Variants in ROBO1 observed in about 807,000 individuals in gnomAD.
The protein encoded by ROBO1 is roundabout homolog 1.
In ROBO1, 149 loss-of-function variants were observed where a neutral mutation model predicts 195.9. The ratio of observed to expected loss-of-function variants is 0.76; its 90% CI spans 0.67 to 0.87. The LOEUF (loss-of-function observed/expected upper bound fraction) is 0.87, where lower values mean the gene tolerates loss of function less well. Ranked by LOEUF, ROBO1 falls within the 40% of genes least tolerant of loss-of-function variation. ROBO1 has a pLI of 0.00. For synonymous variants in ROBO1, 816 were observed against 733.2 expected (o/e 1.11, Z -1.82); for missense variants, 1,933 against 2,068.3 (o/e 0.93, Z 1.27).
chr3:79,283,313 T>C (rs2109007382), intron 2 of ROBO1, among the ~76,000 whole-genome samples: 2 of 152,258 alleles, frequency 1.3e-5, no homozygotes, highest in South Asian at 4.1e-4. Context: ...ACCCCAAACC[T>C]CAGCATCATG....
intron 4 of ROBO1, among the ~76,000 whole-genome samples, chr3:78,869,722 G>T (rs531037095): frequency 6.6e-6 from 1 of 152,028 alleles, no homozygotes; most frequent in African/African-American, 2.4e-5. Flanking sequence ...GCCTCCTTAA[G>T]TGCTGGGGTT....
intron 3 of ROBO1, among the ~76,000 whole-genome samples, chr3:79,057,366 G>C (rs1031145974): frequency 1.3e-5 from 2 of 151,966 alleles, no homozygotes; most frequent in African/African-American, 4.8e-5. Flanking sequence ...TCCCCTGTCT[G>C]GGTGCCCACT....
At chr3:79,483,082 T>G (rs931985823) in intron 2 of ROBO1, among the ~76,000 whole-genome samples, 13 of 152,206 alleles carry the variant, frequency 8.5e-5, no homozygotes, top group Non-Finnish European at 1.8e-4. Flanking sequence ...ACCACAGTTG[T>G]GTCATGTAAA....
At chr3:78,847,647 CT>C (rs2033758959) in intron 4 of ROBO1, among the ~76,000 whole-genome samples, 1 of 152,116 alleles carries the variant, frequency 6.6e-6, no homozygotes, top group Non-Finnish European at 1.5e-5. Context: ...TCTTATTAAC[CT>C]TAACAACTCA....
At chr3:79,714,532 A>T (rs1485451917) in intron 1 of ROBO1, among the ~76,000 whole-genome samples, 1 of 152,026 alleles carries the variant, frequency 6.6e-6, no homozygotes, top group East Asian at 1.9e-4. Flanking sequence ...TCATGCTGCT[A>T]TAAAGACACA....
intron 1 of ROBO1, among the ~76,000 whole-genome samples, chr3:79,666,440 T>C (rs754694084): frequency 6.6e-6 from 1 of 151,970 alleles, no homozygotes; most frequent in Non-Finnish European, 1.5e-5. Flanking sequence ...CTGATATGAT[T>C]TGGCTATATC....
At position 79,674,479 on chromosome 3, in the gene ROBO1, G is replaced by A. The variant is rs994925251; in HGVS notation, c.-50-84518C>T. Reference sequence around the variant, plus strand: ...TTTTTGAAAATAGAAAATAAAAAATGGAAAAAATAGAATAACCCATACTTA... The same window carrying A: ...TTTTTGAAAATAGAAAATAAAAAATAGAAAAAATAGAATAACCCATACTTA... On this transcript the variant is annotated intron_variant, in intron 1 of 30. Transcript: ENST00000464233. 3.3e-5 allele frequency among the ~76,000 whole-genome samples: 5 copies of A among 151,788 alleles called. No individual in the cohort carries two copies. The East Asian group carries it at 7.8e-4, about 24-fold the overall frequency.
intron 2 of ROBO1, among the ~76,000 whole-genome samples, chr3:79,436,324 C>T (rs1221624361): frequency 6.6e-6 from 1 of 150,678 alleles, no homozygotes; most frequent in Non-Finnish European, 1.5e-5. Flanking sequence ...TTTTAGCCGG[C>T]CAATCTGTAC....
At chr3:79,348,249 G>C (rs2035206024) in intron 2 of ROBO1, among the ~76,000 whole-genome samples, 1 of 151,398 alleles carries the variant, frequency 6.6e-6, no homozygotes, top group Non-Finnish European at 1.5e-5. Context: ...GCTGTAAGTG[G>C]AAGAGACACA....
intron 1 of ROBO1, among the ~76,000 whole-genome samples, chr3:79,650,454 T>C (rs566758994): frequency 1.1e-3 from 162 of 151,854 alleles, no homozygotes; most frequent in African/African-American, 3.5e-3. Context: ...ACTGATATAA[T>C]AGGCAAGTTT....
At chr3:78,884,641 AAG>A (rs1325779869) in intron 4 of ROBO1, among the ~76,000 whole-genome samples, 2 of 90,796 alleles carry the variant, frequency 2.2e-5, no homozygotes, top group African/African-American at 1.0e-4. Flanking sequence ...AAGAGAAAGA[AAG>A]AAAGAAAGGA....
intron 2 of ROBO1, among the ~76,000 whole-genome samples, chr3:79,291,821 TG>T (rs1397485822): frequency 6.6e-6 from 1 of 152,136 alleles, no homozygotes; most frequent in African/African-American, 2.4e-5. Context: ...CCACCATAAA[TG>T]GCCCCAAGTT....
chr3:79,281,177 A>G (rs1167282125), intron 2 of ROBO1, among the ~76,000 whole-genome samples: 4 of 152,234 alleles, frequency 2.6e-5, no homozygotes, highest in African/African-American at 4.8e-5. Context: ...TTGAATTAAT[A>G]TAGGAGAAAT....
intron 2 of ROBO1, among the ~76,000 whole-genome samples, chr3:79,550,929 T>C (rs1398355379): frequency 1.3e-5 from 2 of 152,274 alleles, no homozygotes; most frequent in African/African-American, 2.4e-5. Context: ...ATAAGGACCA[T>C]AATCTCATGA....
At chr3:78,944,318 T>A (rs1184756248) in intron 3 of ROBO1, among the ~76,000 whole-genome samples, 1 of 152,266 alleles carries the variant, frequency 6.6e-6, no homozygotes, top group Non-Finnish European at 1.5e-5. Context: ...GCACTTTGAT[T>A]GCTTACTTTT....
intron 1 of ROBO1, among the ~76,000 whole-genome samples, chr3:79,608,553 C>T (rs911429613): frequency 5.3e-5 from 8 of 151,826 alleles, no homozygotes; most frequent in Admixed American, 1.3e-4. Flanking sequence ...TGTTTACAAA[C>T]GTGGGTTAAA....
At chr3:78,801,684 C>T (rs980185545) in intron 4 of ROBO1, among the ~76,000 whole-genome samples, 7 of 151,938 alleles carry the variant, frequency 4.6e-5, no homozygotes, top group African/African-American at 1.7e-4. Flanking sequence ...ACATGGGGTA[C>T]TTTCTATAAG....
At chr3:79,446,224 G>A (rs978560929) in intron 2 of ROBO1, among the ~76,000 whole-genome samples, 1 of 152,026 alleles carries the variant, frequency 6.6e-6, no homozygotes, top group African/African-American at 2.4e-5. Context: ...GTCAAAATAA[G>A]TGGCAAATTC....
intron 2 of ROBO1, among the ~76,000 whole-genome samples, chr3:79,264,350 T>C (rs923214175): frequency 2.6e-5 from 4 of 151,970 alleles, no homozygotes; most frequent in African/African-American, 7.2e-5. Flanking sequence ...TATATGTATG[T>C]ATCTTTTTTC....
Sources: allele counts gnomAD v4.1 joint callset (sites outside exome capture counted in the v4.1 genomes callset), GRCh38; gene constraint gnomAD v4.1.1; transcripts MANE v1.5; gene names NCBI Gene and HGNC (gene_info 2026-07-23, HGNC 2026-07-21).